MYO9A: variants seen among roughly 807,000 people sequenced by gnomAD.
MYO9A encodes the protein unconventional myosin-IXa.
A neutral mutation model predicts 293.3 loss-of-function variants in MYO9A; 103 were observed. The ratio of observed to expected loss-of-function variants is 0.35; its 90% confidence interval spans 0.30 to 0.41. The LOEUF (loss-of-function observed/expected upper bound fraction) is 0.41, where lower values mean the gene tolerates loss of function less well. Ranked by LOEUF, MYO9A falls within the 10% of genes least tolerant of loss-of-function variation. The pLI is 1.00. For synonymous variants in MYO9A, 1,001 were observed against 1,035.7 expected, an observed-to-expected ratio of 0.97 and a Z score of 0.64; for missense variants, 2,685 against 3,033.0, an observed-to-expected ratio of 0.89 and a Z score of 2.69.
intron 19 of MYO9A, among the ~76,000 whole-genome samples, chr15:71,907,304 T>C (rs1407393513): frequency 3.3e-5 from 5 of 149,300 alleles, no homozygotes; most frequent in East Asian, 1.9e-4. Context: ...TAGTATTCCA[T>C]GGTGTATATG....
In MYO9A at chr15:72,086,377, T is replaced by G. The variant is rs138714945; in HGVS notation, c.-72+31303A>C. On this transcript the variant is annotated intron_variant, in intron 1 of 41. Coordinates refer to ENST00000356056, the MANE Select transcript of MYO9A (RefSeq NM_006901.4). ...CCACTCAGGGAGGGGGAGGGTTCAT[T>G]GTTCTCTGTGCCTAGTTTCACTCCA... 9.7e-4 allele frequency among the ~76,000 whole-genome samples: 145 copies of G among 149,830 alleles called. 3 individuals are homozygous for G. The East Asian group carries it at 0.023, about 24-fold the overall frequency.
chr15:71,871,106 G>A lies in MYO9A; in HGVS notation c.5979+4685C>T, dbSNP rs1218287885. ...ATAAACATACTAGGCCAGGTGTGGT[G>A]GCTCATGCCTGTAATCCCAGCACTC... is the stretch of plus-strand genomic sequence containing the variant. On this transcript the variant is annotated intron_variant, in intron 32 of 41. Transcript: ENST00000356056. 2.6e-5 allele frequency among the ~76,000 whole-genome samples: 4 copies of A among 152,166 alleles called. 1 individual carries two copies. The highest frequency in any genetic ancestry group is 5.9e-5 in the Non-Finnish European group (4 of 68,026).
At chr15:72,058,426 T>A (rs1012572013) in intron 1 of MYO9A, among the ~76,000 whole-genome samples, 2 of 151,964 alleles carry the variant, frequency 1.3e-5, no homozygotes, top group Admixed American at 1.3e-4. Flanking sequence ...CTATTACCTT[T>A]CAAATCAGAA....
chr15:72,063,860 T>C (rs1458062876), intron 1 of MYO9A, among the ~76,000 whole-genome samples: 1 of 152,216 alleles, frequency 6.6e-6, no homozygotes, highest in Non-Finnish European at 1.5e-5. Flanking sequence ...CTCCCGTGTT[T>C]ACTGCAGCAC....
At chr15:71,941,478 A>T (rs1327407483) in intron 15 of MYO9A, among the ~76,000 whole-genome samples, 1 of 152,186 alleles carries the variant, frequency 6.6e-6, no homozygotes, top group African/African-American at 2.4e-5. Flanking sequence ...AGATCCCAAG[A>T]TTGCCCATTT....
chr15:71,847,688 C>A (rs2055448852), intron 39 of MYO9A, among the ~76,000 whole-genome samples: 1 of 152,188 alleles, frequency 6.6e-6, no homozygotes, highest in Non-Finnish European at 1.5e-5. Flanking sequence ...CCTCTCAGAA[C>A]TGAGCTCCTG....
At chr15:71,916,293 T>C in intron 19 of MYO9A, 77 bp downstream of exon 19, 1 of 1,508,654 alleles carries the variant, frequency 6.6e-7, no homozygotes, top group South Asian at 1.3e-5. Flanking sequence ...TCAAGTACCC[T>C]GCAGATCACT....
Position 72,027,769 on chromosome 15 carries a change from C to T in MYO9A, c.960G>A (p.Leu320=). Residue 320 remains leucine (L), a synonymous_variant, in exon 4 of 42, where the codon CTG becomes CTA. Transcript: ENST00000356056. ...VLGAYVEKYL[L]EKSRLVYQEH... ...CCTGATAAACGAGTCTGGACTTCTCCAGTAGATATTTTTCAACATAGGCAC... is the reference window on the plus strand; with the variant it reads ...CCTGATAAACGAGTCTGGACTTCTCTAGTAGATATTTTTCAACATAGGCAC... 1 of 1,608,608 alleles carries T rather than the reference C, an allele frequency of 6.2e-7. No individual in the cohort carries two copies.
intron 39 of MYO9A, among the ~76,000 whole-genome samples, chr15:71,835,131 G>A (rs1384315054): frequency 1.3e-5 from 2 of 152,022 alleles, no homozygotes; most frequent in Admixed American, 1.3e-4. Context: ...TAGAAAACCT[G>A]GAATGGAAGG....
intron 14 of MYO9A, among the ~76,000 whole-genome samples, chr15:71,954,911 A>G (rs970716011): frequency 3.5e-4 from 54 of 152,320 alleles, no homozygotes; most frequent in African/African-American, 1.3e-3. Flanking sequence ...CCTTAAGGCC[A>G]TTTTTAAAAG....
chr15:71,991,246 C>T lies in MYO9A; in HGVS notation c.1588-9G>A, dbSNP rs1567355122. The T allele has an allele frequency of 6.4e-7, 1 of 1,566,048 alleles. No individual in the cohort carries two copies. The highest frequency in any genetic ancestry group is 2.3e-5 in the East Asian group (1 of 44,226). On this transcript the variant is annotated splice_polypyrimidine_tract_variant and intron_variant, in intron 10 of 41. Coordinates refer to ENST00000356056, the MANE Select transcript of MYO9A (RefSeq NM_006901.4). ...ACACCAATAGACAATGTCTGTAAAA[C>T]AAGAGAAAGTTTTGATTAAAAGTAA...
At chr15:71,977,713 C>T (rs1451529818) in intron 12 of MYO9A, among the ~76,000 whole-genome samples, 2 of 152,024 alleles carry the variant, frequency 1.3e-5, no homozygotes, top group Admixed American at 6.6e-5. Flanking sequence ...TAATGAAGCC[C>T]ATCCTAATTA....
chr15:72,108,713 T>C (rs1461148926), intron 1 of MYO9A, among the ~76,000 whole-genome samples: 1 of 151,470 alleles, frequency 6.6e-6, no homozygotes, highest in African/African-American at 2.4e-5. Flanking sequence ...ATGTATTTCT[T>C]AGAAAATATA....
At chr15:72,044,888 C>A (rs976449021) in intron 2 of MYO9A, among the ~76,000 whole-genome samples, 1 of 152,134 alleles carries the variant, frequency 6.6e-6, no homozygotes, top group African/African-American at 2.4e-5. Flanking sequence ...TTCTTTGCAT[C>A]ATTAATGACC....
At chr15:72,001,066 T>G (rs114775056) in intron 8 of MYO9A, among the ~76,000 whole-genome samples, 120 of 152,292 alleles carry the variant, frequency 7.9e-4, no homozygotes, top group African/African-American at 2.6e-3. Flanking sequence ...ACCAATATGC[T>G]CTCTCAGCAG....
intron 20 of MYO9A, among the ~76,000 whole-genome samples, 172 bp from the exon 21 acceptor site, chr15:71,904,211 G>A (rs763489842): frequency 6.6e-6 from 1 of 152,172 alleles, no homozygotes; most frequent in African/African-American, 2.4e-5. Context: ...GGTAGCTTCA[G>A]AAAAGTTCTG....
At chr15:71,991,363 A>G (rs2076537617) in intron 10 of MYO9A, 126 bp from the exon 11 acceptor site, 3 of 633,476 alleles carry the variant, frequency 4.7e-6, no homozygotes, top group Non-Finnish European at 7.6e-6. Flanking sequence ...GTGTTTGGCC[A>G]GTATTCAAAA....
chr15:72,036,648 T>C (rs1397580462), intron 2 of MYO9A: 1 of 152,134 alleles, frequency 6.6e-6, no homozygotes, highest in African/African-American at 2.4e-5. Context: ...ATCATCACAA[T>C]TTGACTTATC....
rs1355990301 is a variant in MYO9A at position 71,860,985 on chromosome 15, A to C, written c.6092-1189T>G. Among the ~76,000 whole-genome samples the C allele has an allele frequency of 2.7e-5, 4 of 150,880 alleles. No individual in the cohort carries two copies. The East Asian group carries it at 7.7e-4, about 29-fold the overall frequency. ...CCATCTCACCAAAAAAAAAAAAAAAAAAAAAAAAATCAAACCAGCCCAACA... is the reference window on the plus strand; with the variant it reads ...CCATCTCACCAAAAAAAAAAAAAAACAAAAAAAAATCAAACCAGCCCAACA... On this transcript the variant is annotated intron_variant, in intron 33 of 41. Coordinates refer to ENST00000356056, the MANE Select transcript of MYO9A (RefSeq NM_006901.4).
Sources: allele counts gnomAD v4.1 joint callset (sites outside exome capture counted in the v4.1 genomes callset), GRCh38; gene constraint gnomAD v4.1.1; transcripts MANE v1.5; gene names NCBI Gene and HGNC (gene_info 2026-07-23, HGNC 2026-07-21).